Variants in WWOX observed in about 807,000 individuals in gnomAD.
The protein encoded by WWOX is WW domain containing oxidoreductase.
WWOX carries 69 observed loss-of-function variants against 46.2 expected under a neutral mutation model. The observed-to-expected ratio is 1.49, with a 90% confidence interval of 1.23 to 1.82. The LOEUF is 1.82. WWOX is among the 40% of genes most tolerant of loss of function. The pLI is 0.00. For synonymous variants in WWOX, 359 were observed against 202.6 expected (o/e 1.77, Z -6.56); for missense variants, 919 against 542.6 (o/e 1.69, Z -6.89).
intron 8 of WWOX, among the ~76,000 whole-genome samples, chr16:78,461,627 C>T (rs1390914811): frequency 2.0e-5 from 3 of 152,212 alleles, no homozygotes; most frequent in Admixed American, 2.0e-4. Flanking sequence ...TTTTCACAAT[C>T]ACAGACATGC....
At chr16:78,463,147 A>T (rs1668988791) in intron 8 of WWOX, among the ~76,000 whole-genome samples, 1 of 152,204 alleles carries the variant, frequency 6.6e-6, no homozygotes, top group African/African-American at 2.4e-5. Context: ...TGGGGTTGGC[A>T]TGCCAGAGTG....
At chr16:78,371,296 A>G (rs2073995174) in intron 5 of WWOX, among the ~76,000 whole-genome samples, 2 of 152,074 alleles carry the variant, frequency 1.3e-5, no homozygotes, top group Admixed American at 1.3e-4. Flanking sequence ...TAAGATGAAA[A>G]CCATTTATTT....
intron 6 of WWOX, among the ~76,000 whole-genome samples, chr16:78,414,817 C>T (rs1460457299): frequency 6.6e-6 from 1 of 152,074 alleles, no homozygotes; most frequent in Non-Finnish European, 1.5e-5. Context: ...AAATTTCTCC[C>T]AAAGTTAGCT....
chr16:78,934,337 CAA>C (rs747448353), intron 8 of WWOX, among the ~76,000 whole-genome samples: 4 of 78,286 alleles, frequency 5.1e-5, no homozygotes, highest in Non-Finnish European at 4.8e-5. Context: ...GTCTCCGTCT[CAA>C]AAAAAAAAAA....
chr16:79,131,332 T>C (rs929882423), intron 8 of WWOX, among the ~76,000 whole-genome samples: 1 of 152,066 alleles, frequency 6.6e-6, no homozygotes, highest in Non-Finnish European at 1.5e-5. Flanking sequence ...TGGAAAAAAT[T>C]AGTTTGCACA....
chr16:78,689,574 C>T (rs1316740985), intron 8 of WWOX, among the ~76,000 whole-genome samples: 1 of 152,192 alleles, frequency 6.6e-6, no homozygotes, highest in African/African-American at 2.4e-5. Flanking sequence ...TCCCTTCACC[C>T]TTCATGTCTG....
intron 8 of WWOX, among the ~76,000 whole-genome samples, chr16:79,143,855 T>A (rs1184492456): frequency 6.6e-6 from 1 of 152,150 alleles, no homozygotes; most frequent in Non-Finnish European, 1.5e-5. Context: ...ATGAAGCCGA[T>A]GCAGCTAGCC....
chr16:78,166,438 T>A (rs2034973806), intron 5 of WWOX, among the ~76,000 whole-genome samples: 1 of 152,240 alleles, frequency 6.6e-6, no homozygotes, highest in African/African-American at 2.4e-5. Context: ...TTTATTTACG[T>A]ATTTGTGAGT....
chr16:78,531,082 T>A (rs564408259), intron 8 of WWOX, among the ~76,000 whole-genome samples: 3 of 152,308 alleles, frequency 2.0e-5, no homozygotes, highest in South Asian at 2.1e-4. Flanking sequence ...TTGATTTGGT[T>A]TGGTTCTTTG....
intron 8 of WWOX, among the ~76,000 whole-genome samples, chr16:78,848,797 CTT>C (rs34992827): frequency 0.099 from 14,735 of 148,208 alleles, 2,265 homozygotes; most frequent in African/African-American, 0.33. Flanking sequence ...ACACAGAGAC[CTT>C]TTTTTTTTTT....
intron 8 of WWOX, among the ~76,000 whole-genome samples, chr16:79,071,443 C>G (rs1347387249): frequency 6.6e-6 from 1 of 152,148 alleles, no homozygotes; most frequent in Non-Finnish European, 1.5e-5. Flanking sequence ...GCCCTGTTAC[C>G]CAAGAGAGTT....
At chr16:78,386,269 C>G (rs1201185519) in intron 5 of WWOX, among the ~76,000 whole-genome samples, 1 of 152,152 alleles carries the variant, frequency 6.6e-6, no homozygotes, top group Non-Finnish European at 1.5e-5. Context: ...CATTATTATT[C>G]CTATCACCAG....
chr16:78,517,926 T>C (rs995897969), intron 8 of WWOX, among the ~76,000 whole-genome samples: 1 of 151,018 alleles, frequency 6.6e-6, no homozygotes, highest in Non-Finnish European at 1.5e-5. Flanking sequence ...ACCTCATCCT[T>C]TAGTCTTTTC....
At chr16:79,080,193 G>A (rs979585400) in intron 8 of WWOX, among the ~76,000 whole-genome samples, 1 of 152,166 alleles carries the variant, frequency 6.6e-6, no homozygotes, top group African/African-American at 2.4e-5. Flanking sequence ...GAATCCCGTG[G>A]AATCCCACAG....
chr16:78,645,566 AG>A (rs1272980667), intron 8 of WWOX, among the ~76,000 whole-genome samples: 1 of 152,102 alleles, frequency 6.6e-6, no homozygotes, highest in Non-Finnish European at 1.5e-5. Context: ...TGGAAAGTGA[AG>A]GGGAGCCAGC....
At position 78,392,283 on chromosome 16, in the gene WWOX, C is replaced by A. The variant is rs186271970; in HGVS notation, c.605+5335C>A. Among the ~76,000 whole-genome samples the A allele has an allele frequency of 5.4e-3, 829 of 152,176 alleles. 7 individuals carry two copies. The highest frequency in any genetic ancestry group is 4.7e-3 in the Non-Finnish European group (317 of 68,006). ...ACCGTGATCCCTATTGTGAGCCACA[C>A]ATGCAAGGGATCTAGGCTGCATGCT... On this transcript the variant is annotated intron_variant, in intron 6 of 8. Coordinates refer to ENST00000566780, the MANE Select transcript of WWOX (RefSeq NM_016373.4).
intron 8 of WWOX, among the ~76,000 whole-genome samples, chr16:78,994,031 C>G (rs546850822): frequency 2.6e-5 from 4 of 152,190 alleles, no homozygotes; most frequent in East Asian, 1.9e-4. Context: ...GACCCCTGTC[C>G]TAAATGTTCT....
In WWOX at chr16:78,839,140, C is replaced by A. The variant is rs146237040; in HGVS notation, c.1057-372468C>A. Among the ~76,000 whole-genome samples, 560 of 152,240 alleles carry A rather than the reference C, an allele frequency of 3.7e-3. 3 individuals are homozygous for A. Among genetic ancestry groups the A allele is most frequent in the African/African-American group, 0.013 (539 of 41,536 alleles). On this transcript the variant is annotated intron_variant, in intron 8 of 8. Transcript: ENST00000566780. ...CACTTATCTCAAAAATAAAAACTTT[C>A]ATTAAAATCAAATAACTGCTTAATA... is the stretch of plus-strand genomic sequence containing the variant.
At chr16:78,620,861 T>C (rs2046163717) in intron 8 of WWOX, among the ~76,000 whole-genome samples, 2 of 152,212 alleles carry the variant, frequency 1.3e-5, no homozygotes, top group Admixed American at 1.3e-4. Context: ...TTTCATTTTT[T>C]CATGTCCAGG....
Sources: gnomAD v4.1 joint callset for allele counts (sites outside exome capture counted in the v4.1 genomes callset) on GRCh38, gnomAD v4.1.1 for gene constraint, MANE v1.5 for transcripts, NCBI Gene and HGNC (gene_info 2026-07-23, HGNC 2026-07-21) for gene names.